Variants in FAT4 observed in about 807,000 individuals in gnomAD.
FAT4 encodes the protein protocadherin Fat 4.
In FAT4, 84 loss-of-function variants were observed where a neutral mutation model predicts 303.9. That is an observed-to-expected ratio of 0.28 (90% CI 0.23 to 0.33). The LOEUF is 0.33. Ranked by LOEUF, FAT4 falls within the 10% of genes least tolerant of loss-of-function variation. FAT4 has a pLI of 1.00. For synonymous variants in FAT4, 2,307 were observed against 2,298.8 expected (o/e 1.00, Z -0.10); for missense variants, 6,005 against 6,146.8 (o/e 0.98, Z 0.77).
chr4:125,457,155 A>ACACACACACC (rs1553928004), intron 10 of FAT4, among the ~76,000 whole-genome samples: 1 of 124,820 alleles, frequency 8.0e-6, no homozygotes, highest in Non-Finnish European at 1.6e-5. Flanking sequence ...ACACACACAC[A>ACACACACACC]CCACTGAGTA....
chr4:125,415,258 A>T lies in FAT4; in HGVS notation c.6295A>T (p.Ile2099Phe). 6.2e-7 allele frequency: 1 copy of T among 1,614,086 alleles called. No homozygotes were observed. The highest frequency in any genetic ancestry group is 8.5e-7 in the Non-Finnish European group (1 of 1,179,992). ...GAACCCTTTGGGAAACAAGTTCAGT[A>T]TTGGGACCATTGATGGTGAAGTGAG... ...LLNPLGNKFS[I>F]GTIDGEVRLT... is the part of the protein sequence containing the mutation. Residue 2099 changes from isoleucine (I) to phenylalanine (F), a missense_variant, in exon 6 of 18, where the codon ATT becomes TTT. Coordinates refer to ENST00000394329, the MANE Select transcript of FAT4 (RefSeq NM_001291303.3).
chr4:125,364,533 A>G (rs1732792652), intron 2 of FAT4, among the ~76,000 whole-genome samples: 2 of 152,016 alleles, frequency 1.3e-5, no homozygotes, highest in South Asian at 4.2e-4. Context: ...GTGGATCACC[A>G]GAGGAGTCAC....
At chr4:125,453,490 C>T (rs939631512) in intron 10 of FAT4, among the ~76,000 whole-genome samples, 5 of 152,068 alleles carry the variant, frequency 3.3e-5, no homozygotes, top group Admixed American at 6.6e-5. Flanking sequence ...GGGCAGATCA[C>T]GAGGCTGAGA....
chr4:125,446,212 C>A, intron 8 of FAT4, 81 bp from the exon 9 acceptor site: 1 of 1,200,018 alleles, frequency 8.3e-7, no homozygotes, highest in Non-Finnish European at 1.2e-6. Flanking sequence ...TGCATTTCTA[C>A]CTCAGTTTTT....
At chr4:125,476,996 G>A (rs964260908) in intron 13 of FAT4, among the ~76,000 whole-genome samples, 159 bp from the exon 14 acceptor site, 5 of 151,726 alleles carry the variant, frequency 3.3e-5, no homozygotes, top group East Asian at 1.9e-4. Flanking sequence ...TAACAACTCT[G>A]TGTGTGTATT....
intron 5 of FAT4, among the ~76,000 whole-genome samples, chr4:125,413,380 C>T (rs545837552): frequency 1.6e-4 from 24 of 151,888 alleles, no homozygotes; most frequent in African/African-American, 5.3e-4. Context: ...GTAATCTCTT[C>T]CTTGTTCACT....
intron 10 of FAT4, among the ~76,000 whole-genome samples, chr4:125,462,691 GTC>G (rs1164290118): frequency 1.3e-5 from 2 of 151,938 alleles, no homozygotes; most frequent in Non-Finnish European, 2.9e-5. Flanking sequence ...CCCTAAATTG[GTC>G]TGTGTCATAG....
At chr4:125,461,942 C>A (rs143341346) in intron 10 of FAT4, among the ~76,000 whole-genome samples, 1 of 152,056 alleles carries the variant, frequency 6.6e-6, no homozygotes, top group East Asian at 1.9e-4. Flanking sequence ...GCCTATTTCT[C>A]CAATGTAGTA....
At chr4:125,339,863 A>G (rs572625222) in intron 2 of FAT4, among the ~76,000 whole-genome samples, 6 of 152,256 alleles carry the variant, frequency 3.9e-5, no homozygotes, top group Non-Finnish European at 8.8e-5. Context: ...ATCGGTTTGG[A>G]AAATTTAAAA....
chr4:125,348,889 T>G (rs1280051372), intron 2 of FAT4, among the ~76,000 whole-genome samples: 2 of 151,758 alleles, frequency 1.3e-5, no homozygotes, highest in South Asian at 4.1e-4. Context: ...GTTGGAGAAA[T>G]CTAAGAGTTC....
chr4:125,335,539 T>A (rs1373739192), intron 2 of FAT4, among the ~76,000 whole-genome samples: 1 of 152,104 alleles, frequency 6.6e-6, no homozygotes, highest in African/African-American at 2.4e-5. Flanking sequence ...CATTAGTTAA[T>A]AATATAATTT....
intron 10 of FAT4, among the ~76,000 whole-genome samples, chr4:125,458,479 A>G (rs536478868): frequency 3.9e-5 from 6 of 152,064 alleles, no homozygotes; most frequent in Non-Finnish European, 7.4e-5. Context: ...AATTTAGTAA[A>G]TATATATGAA....
At chr4:125,483,527 C>T (rs1727299956) in intron 16 of FAT4, among the ~76,000 whole-genome samples, 1 of 152,058 alleles carries the variant, frequency 6.6e-6, no homozygotes, top group Non-Finnish European at 1.5e-5. Flanking sequence ...AAGGAAAAAG[C>T]TGAATGTCAG....
chr4:125,446,664 C>T, intron 9 of FAT4, 121 bp downstream of exon 9: 2 of 1,039,390 alleles, frequency 1.9e-6, no homozygotes, highest in East Asian at 2.8e-5. Context: ...TGCAAATCCT[C>T]TAAAATTCAG....
chr4:125,379,318 G>T (rs1332150788), intron 2 of FAT4, among the ~76,000 whole-genome samples: 3 of 150,818 alleles, frequency 2.0e-5, no homozygotes, highest in Non-Finnish European at 4.4e-5. Flanking sequence ...AATTCCATTG[G>T]CTATTGACTA....
intron 10 of FAT4, among the ~76,000 whole-genome samples, chr4:125,456,382 A>C (rs998095742): frequency 6.6e-6 from 1 of 152,184 alleles, no homozygotes; most frequent in Admixed American, 6.5e-5. Flanking sequence ...TTCAGTCTTC[A>C]TTTGCATAGT....
In FAT4 at chr4:125,462,089, T is replaced by G. The variant is rs187783844; in HGVS notation, c.11801-1474T>G. Among the ~76,000 whole-genome samples the G allele has an allele frequency of 4.1e-4, 62 of 152,076 alleles. No individual in the cohort carries two copies. The East Asian group carries it at 0.012, about 29-fold the overall frequency. ...TTTTGCCTTATAAGGAGGTTCCCAA[T>G]TTATTTATAAGGGAAAAAATGTTGT... On this transcript the variant is annotated intron_variant, in intron 10 of 17. Transcript: ENST00000394329.
At chr4:125,405,554 A>G (rs1223387155) in intron 3 of FAT4, among the ~76,000 whole-genome samples, 1 of 151,230 alleles carries the variant, frequency 6.6e-6, no homozygotes, top group Non-Finnish European at 1.5e-5. Context: ...TCTGTTACCT[A>G]GGCTACAGTA....
intron 14 of FAT4, 145 bp downstream of exon 14, chr4:125,477,479 C>T: frequency 2.8e-6 from 2 of 715,344 alleles, no homozygotes; most frequent in South Asian, 3.6e-5. Context: ...AATACTATAC[C>T]TTTGAAATTT....
Sources: allele counts gnomAD v4.1 joint callset (sites outside exome capture counted in the v4.1 genomes callset), GRCh38; gene constraint gnomAD v4.1.1; transcripts MANE v1.5; gene names NCBI Gene and HGNC (gene_info 2026-07-23, HGNC 2026-07-21).